The following ABCC4 variants were observed in gnomAD, a reference collection of about 807,000 sequenced individuals.
ABCC4 encodes the protein ATP-binding cassette sub-family C member 4.
ABCC4 carries 102 observed loss-of-function variants against 168.5 expected under a neutral mutation model. The observed-to-expected ratio is 0.61, with a 90% CI of 0.52 to 0.71. The LOEUF is 0.71. Ranked by LOEUF, ABCC4 falls within the 30% of genes least tolerant of loss-of-function variation. ABCC4 has a pLI of 0.00. For missense variants in ABCC4, 1,402 were observed against 1,605.8 expected (o/e 0.87, Z 2.17); for synonymous variants, 617 against 590.7 (o/e 1.04, Z -0.65).
Position 95,188,448 on chromosome 13 carries a change from C to T in ABCC4, c.1353+5G>A, listed in dbSNP as rs773348433. The T allele has an allele frequency of 1.9e-6, 3 of 1,613,932 alleles. No homozygotes were observed. Among genetic ancestry groups the T allele is most frequent in the African/African-American group, 1.3e-5 (1 of 74,912 alleles). On this transcript the variant is annotated splice_donor_5th_base_variant and intron_variant, in intron 10 of 30. Coordinates refer to ENST00000645237, the MANE Select transcript of ABCC4 (RefSeq NM_005845.5). ...AACAAGCTGCCAAAAGCCATTCTAACTCACCTTCCCTGCTCCCACGGGGCC... is the reference window on the plus strand; with the variant it reads ...AACAAGCTGCCAAAAGCCATTCTAATTCACCTTCCCTGCTCCCACGGGGCC...
At chr13:95,145,951 G>A (rs1466275603) in intron 19 of ABCC4, among the ~76,000 whole-genome samples, 4 of 151,962 alleles carry the variant, frequency 2.6e-5, no homozygotes, top group Non-Finnish European at 5.9e-5. Context: ...GTGGCTCACG[G>A]CTGTAATCCC....
Position 95,170,600 on chromosome 13 carries a change from T to C in ABCC4, c.1756A>G (p.Ile586Val). The C allele has an allele frequency of 6.2e-7, 1 of 1,612,092 alleles. No individual in the cohort carries two copies. Among genetic ancestry groups the C allele is most frequent in the Non-Finnish European group, 8.5e-7 (1 of 1,179,562 alleles). Reference sequence around the variant, plus strand: ...AACTGATGAGTCACTAAAATTGTGATCTTCTCATGCAAAATTTGACAAATA... The same window carrying C: ...AACTGATGAGTCACTAAAATTGTGACCTTCTCATGCAAAATTTGACAAATA... The part of the protein sequence containing the change: ...LCICQILHEK[I>V]TILVTHQLQY... The change falls in exon 14 of 31, where the codon ATC becomes GTC. Residue 586 changes from isoleucine (I) to valine (V), a missense_variant. Ile to Val is a conservative substitution (Grantham distance 29). This residue lies in a region of ABCC4 where 1,007 missense variants were observed against 1,127.3 expected (regional missense o/e 0.89). Coordinates refer to ENST00000645237, the MANE Select transcript of ABCC4 (RefSeq NM_005845.5).
At chr13:95,197,668 A>G (rs1482088647) in intron 8 of ABCC4, among the ~76,000 whole-genome samples, 1 of 152,218 alleles carries the variant, frequency 6.6e-6, no homozygotes, top group African/African-American at 2.4e-5. Flanking sequence ...GCAGAACTGA[A>G]GTCAAAGAGA....
At chr13:95,248,945 C>T (rs1300040137) in intron 1 of ABCC4, among the ~76,000 whole-genome samples, 1 of 152,156 alleles carries the variant, frequency 6.6e-6, no homozygotes. Context: ...GAAGCTGCGG[C>T]ACAAGAATCA....
intron 11 of ABCC4, among the ~76,000 whole-genome samples, chr13:95,186,387 G>A (rs2038059719): frequency 6.6e-6 from 1 of 151,978 alleles, no homozygotes; most frequent in Non-Finnish European, 1.5e-5. Context: ...GGTACAGGCA[G>A]GTTCAAGACA....
chr13:95,129,607 T>C (rs916584844), intron 19 of ABCC4, among the ~76,000 whole-genome samples: 1 of 152,218 alleles, frequency 6.6e-6, no homozygotes, highest in Admixed American at 6.5e-5. Context: ...CTAAAATGGA[T>C]AGTATTTCTC....
At position 95,239,380 on chromosome 13, in the gene ABCC4, C is replaced by A. The variant is rs1277934118; in HGVS notation, c.307-4546G>T. ...GTCCTGAATCTGATTTGGAAATACC[C>A]ACATAAATTCATGATATGTTTATCT... On this transcript the variant is annotated intron_variant, in intron 3 of 30. Transcript: ENST00000645237. Among the ~76,000 whole-genome samples, 4 of 152,210 alleles carry A rather than the reference C, an allele frequency of 2.6e-5. No homozygotes were observed. The East Asian group carries it at 7.7e-4, about 29-fold the overall frequency.
At chr13:95,138,004 A>T (rs1324703621) in intron 19 of ABCC4, among the ~76,000 whole-genome samples, 6 of 152,110 alleles carry the variant, frequency 3.9e-5, no homozygotes, top group Non-Finnish European at 8.8e-5. Context: ...GGCGGGGGGA[A>T]CCAATACTGA....
chr13:95,220,552 A>T (rs1265222034), intron 4 of ABCC4, among the ~76,000 whole-genome samples: 2 of 152,136 alleles, frequency 1.3e-5, no homozygotes, highest in Non-Finnish European at 2.9e-5. Context: ...AAAATGACAG[A>T]TGTCAGAAAA....
rs147144509 is a variant in ABCC4, at chr13:95,122,009, C to T, written c.2456-6008G>A. ...CAAGGTGATGCAGTGTTTTCTAATG[C>T]GGTGGGAACTCTCTGCCAAGCCATT... is the stretch of plus-strand genomic sequence containing the variant. On this transcript the variant is annotated intron_variant, in intron 19 of 30. Transcript: ENST00000645237. Among the ~76,000 whole-genome samples the T allele has an allele frequency of 1.1e-4, 16 of 152,224 alleles. No individual in the cohort carries two copies. In the East Asian group the frequency reaches 1.3e-3, roughly 13 times the overall value.
intron 8 of ABCC4, among the ~76,000 whole-genome samples, chr13:95,200,447 A>G (rs1223602104): frequency 5.9e-5 from 9 of 152,164 alleles, no homozygotes; most frequent in Non-Finnish European, 1.3e-4. Flanking sequence ...GATTGGGCTG[A>G]GCGCAATGGC....
chr13:95,066,641 G>A (rs529567284), intron 25 of ABCC4, among the ~76,000 whole-genome samples: 3 of 152,296 alleles, frequency 2.0e-5, no homozygotes, highest in Admixed American at 6.5e-5. Flanking sequence ...CCTATCACTT[G>A]CATTTTGCAA....
intron 1 of ABCC4, among the ~76,000 whole-genome samples, chr13:95,285,448 G>A (rs913609217): frequency 2.0e-5 from 3 of 151,876 alleles, no homozygotes; most frequent in African/African-American, 4.8e-5. Flanking sequence ...TATTTTGGGG[G>A]CTGAGGCAGG....
intron 4 of ABCC4, among the ~76,000 whole-genome samples, chr13:95,230,863 A>G (rs1317296661): frequency 2.6e-5 from 4 of 152,252 alleles, no homozygotes; most frequent in Non-Finnish European, 5.9e-5. Flanking sequence ...ACAATAGCTA[A>G]AAGGCAGAAA....
intron 11 of ABCC4, among the ~76,000 whole-genome samples, chr13:95,179,847 A>G (rs1163796446): frequency 1.3e-5 from 2 of 152,186 alleles, no homozygotes; most frequent in Non-Finnish European, 2.9e-5. Flanking sequence ...CTAAGTTCTC[A>G]TTTTATCTCT....
rs2041675903 is a variant in ABCC4, at chr13:95,301,302, ACACGGG to A, written c.7_12del (p.Pro3_Val4del). 6.3e-7 allele frequency: 1 copy of A among 1,594,634 alleles called. No homozygotes were observed. The highest frequency in any genetic ancestry group is 1.4e-5 in the African/African-American group (1 of 72,876). On this transcript the variant is annotated inframe_deletion, in exon 1 of 31. Transcript: ENST00000645237. ...AGCGGGTTGGGCTTCACCTCCTGGTACACGGGCAGCATCTTGCCGGGCGGGGCGGGC... is the reference window on the plus strand; with the variant it reads ...AGCGGGTTGGGCTTCACCTCCTGGTACAGCATCTTGCCGGGCGGGGCGGGC...
intron 25 of ABCC4, among the ~76,000 whole-genome samples, chr13:95,068,433 T>C (rs143655854): frequency 4.9e-4 from 75 of 152,286 alleles, no homozygotes; most frequent in African/African-American, 1.8e-3. Flanking sequence ...AAGACCAGCC[T>C]GACCAACATG....
Position 95,125,811 on chromosome 13 carries a change from G to T in ABCC4, c.2456-9810C>A, listed in dbSNP as rs150122202. On this transcript the variant is annotated intron_variant, in intron 19 of 30. Transcript: ENST00000645237. Reference sequence around the variant, plus strand: ...ATGATTATTTTACATTTGCTAAAAAGAAAAAAGTTAGGAAGACAGACCAGG... The same window carrying T: ...ATGATTATTTTACATTTGCTAAAAATAAAAAAGTTAGGAAGACAGACCAGG... 1.8e-4 allele frequency among the ~76,000 whole-genome samples: 27 copies of T among 152,260 alleles called. No homozygotes were observed. The East Asian group carries it at 4.8e-3, about 27-fold the overall frequency.
At chr13:95,148,591 A>AACACACACACACACACAC (rs55998383) in intron 19 of ABCC4, among the ~76,000 whole-genome samples, 2 of 129,708 alleles carry the variant, frequency 1.5e-5, no homozygotes, top group Non-Finnish European at 3.3e-5. Context: ...TACCCATCAC[A>AACACACACACACACACAC]ACACACACAC....
Sources: allele counts gnomAD v4.1 joint callset (sites outside exome capture counted in the v4.1 genomes callset), GRCh38; gene constraint gnomAD v4.1.1; regional missense constraint gnomAD v4.1.1; transcripts MANE v1.5; gene names NCBI Gene and HGNC (gene_info 2026-07-23, HGNC 2026-07-21).